ZBTB25: variants seen among roughly 807,000 people sequenced by gnomAD.
ZBTB25 encodes the protein zinc finger and BTB domain containing 25.
Under a neutral mutation model 34.2 loss-of-function variants are expected in ZBTB25, and 20 were observed. The ratio of observed to expected loss-of-function variants is 0.58; its 90% confidence interval spans 0.41 to 0.85. The LOEUF (loss-of-function observed/expected upper bound fraction) is 0.85. Ranked by LOEUF, ZBTB25 falls within the 40% of genes least tolerant of loss-of-function variation. The pLI is 0.00. For synonymous variants in ZBTB25, 175 were observed against 186.4 expected (o/e 0.94, Z 0.50); for missense variants, 437 against 521.8 (o/e 0.84, Z 1.58).
chr14:64,469,883 T>A (rs2078649977), intron 2 of ZBTB25: 4 of 477,490 alleles, frequency 8.4e-6, no homozygotes, highest in Admixed American at 4.0e-5. Context: ...TTGGAGGAAG[T>A]CAGCACAGAT....
In ZBTB25 at chr14:64,485,789, C is replaced by T. The variant is rs527410480; in HGVS notation, c.*1134G>A. 46 of 985,354 alleles carry T rather than the reference C, an allele frequency of 4.7e-5. No individual in the cohort carries two copies. In the African/African-American group the frequency reaches 7.7e-4, roughly 16 times the overall value. The allele number at this position is 985,354 out of a possible 1,614,324, so 61.0% of individuals were successfully genotyped here. A position where few individuals can be genotyped will look rare whatever the true frequency, so the allele number is the denominator to read the frequency against. On this transcript the variant is annotated 3_prime_UTR_variant, in exon 3 of 3. Transcript: ENST00000608382. ...AGAAACATGATTTATATTTTATCAT[C>T]ATTCTCTTTCAACTCATGTAAACCT... is the stretch of plus-strand genomic sequence containing the variant.
chr14:64,468,623 G>C (rs1392119937), intron 2 of ZBTB25: 1 of 1,613,882 alleles, frequency 6.2e-7, no homozygotes, highest in Non-Finnish European at 8.5e-7. Context: ...GCCCACACGG[G>C]GGGCCTGGGC....
At chr14:64,458,234 C>T (rs1354264402) in intron 2 of ZBTB25, 1 of 1,612,752 alleles carries the variant, frequency 6.2e-7, no homozygotes, top group East Asian at 2.2e-5. Context: ...TGCCTGGACT[C>T]CCCACCCGGC....
In ZBTB25 at chr14:64,500,681, G is replaced by C. The variant is rs551518414; in HGVS notation, c.-8+2980C>G. On this transcript the variant is annotated intron_variant, in intron 1 of 2. Transcript: ENST00000608382. ...GTGGTGGCAGACGTCTGTAATCCCA[G>C]CTACTTGGGAGGCTGAGGCAGAAGA... is the stretch of plus-strand genomic sequence containing the variant. Among the ~76,000 whole-genome samples the C allele has an allele frequency of 2.6e-4, 39 of 152,188 alleles. No homozygotes were observed. In the South Asian group the frequency reaches 7.0e-3, roughly 28 times the overall value.
chr14:64,501,378 T>C (rs2079491998), intron 1 of ZBTB25, among the ~76,000 whole-genome samples: 1 of 152,176 alleles, frequency 6.6e-6, no homozygotes, highest in African/African-American at 2.4e-5. Flanking sequence ...CAGCAAATGG[T>C]ATAAAGTGGA....
chr14:64,450,249 A>G (rs2078349022), intron 2 of ZBTB25, among the ~76,000 whole-genome samples: 1 of 152,250 alleles, frequency 6.6e-6, no homozygotes, highest in Non-Finnish European at 1.5e-5. Context: ...CAAATATGTA[A>G]TTCACTGTAG....
chr14:64,492,421 G>A (rs1465185000), intron 1 of ZBTB25, among the ~76,000 whole-genome samples: 1 of 151,820 alleles, frequency 6.6e-6, no homozygotes, highest in East Asian at 1.9e-4. Context: ...TGGCCAGGCT[G>A]GTCTCAAACT....
chr14:64,457,950 G>A (rs909721039), intron 2 of ZBTB25: 12 of 557,076 alleles, frequency 2.2e-5, no homozygotes, highest in Admixed American at 9.2e-5. Context: ...CCAGGCAATC[G>A]GATGATCATG....
chr14:64,503,136 A>G (rs1055229063), intron 1 of ZBTB25: 4 of 985,426 alleles, frequency 4.1e-6, no homozygotes, highest in African/African-American at 1.7e-5. Context: ...AGCTTCAAAA[A>G]GAAAAACCGG....
chr14:64,472,732 T>C (rs1347700723), intron 2 of ZBTB25: 3 of 166,798 alleles, frequency 1.8e-5, no homozygotes, highest in South Asian at 2.1e-4. Flanking sequence ...AATTGTTTTA[T>C]TGTTATAGAA....
intron 2 of ZBTB25, chr14:64,449,666 G>C: frequency 1.9e-6 from 3 of 1,604,164 alleles, no homozygotes; most frequent in Non-Finnish European, 1.7e-6. Flanking sequence ...AGACGAAAAG[G>C]GCACAGTGAA....
intron 2 of ZBTB25, among the ~76,000 whole-genome samples, chr14:64,458,990 G>A (rs1423668747): frequency 2.6e-5 from 4 of 152,184 alleles, no homozygotes; most frequent in East Asian, 3.9e-4. Context: ...CTCCAGAGAC[G>A]AAAAAAGTGG....
intron 2 of ZBTB25, chr14:64,458,421 C>A (rs1039853219): frequency 6.4e-6 from 5 of 781,434 alleles, no homozygotes; most frequent in Admixed American, 5.7e-5. Flanking sequence ...CAAAACATTT[C>A]TTTTCAGACT....
At position 64,479,784 on chromosome 14, in the gene ZBTB25, A is replaced by G. The variant is rs2078758236; in HGVS notation, c.*7139T>C. Reference sequence around the variant, plus strand: ...AGCTCTCCTGGTTCTCAGGTCTTCAAATTCAGATTGGAACATCACTGACTC... The same window carrying G: ...AGCTCTCCTGGTTCTCAGGTCTTCAGATTCAGATTGGAACATCACTGACTC... On this transcript the variant is annotated 3_prime_UTR_variant, in exon 3 of 3. Transcript: ENST00000608382. 1 of 152,348 alleles carries G rather than the reference A, an allele frequency of 6.6e-6. No individual in the cohort carries two copies. The highest frequency in any genetic ancestry group is 2.1e-4 in the South Asian group (1 of 4,828). The allele number at this position is 152,348 out of a possible 1,614,324, so 9.4% of individuals were successfully genotyped here. A position where few individuals can be genotyped will look rare whatever the true frequency, so the allele number is the denominator to read the frequency against.
chr14:64,499,164 A>T (rs2079398665), intron 1 of ZBTB25, among the ~76,000 whole-genome samples: 2 of 152,256 alleles, frequency 1.3e-5, no homozygotes, highest in Non-Finnish European at 2.9e-5. Context: ...CTCTATAAAT[A>T]AACAATTCCG....
At chr14:64,492,000 C>G (rs1403760725) in intron 1 of ZBTB25, among the ~76,000 whole-genome samples, 1 of 151,214 alleles carries the variant, frequency 6.6e-6, no homozygotes, top group Non-Finnish European at 1.5e-5. Context: ...ATGCTTTAGT[C>G]CCAGCTACTT....
chr14:64,487,495 G>A lies in ZBTB25; in HGVS notation c.736C>T (p.Arg246Cys), dbSNP rs576357133. The change falls in exon 3 of 3, where the codon CGT becomes TGT. Residue 246 changes from arginine to cysteine, a missense_variant. Physicochemically the swap from Arg to Cys is radical, Grantham distance 180. Coordinates refer to ENST00000608382, the MANE Select transcript of ZBTB25 (RefSeq NM_006977.5). ...CTTAGGTTACTACGGGAATCAAAAC[G>A]TTCCCCACAGTAATGGCATAAGTGT... ...KIHLCHYCGE[R>C]FDSRSNLRQH... 6 of 1,613,996 alleles carry A rather than the reference G, an allele frequency of 3.7e-6. No individual in the cohort carries two copies. Among genetic ancestry groups the A allele is most frequent in the African/African-American group, 1.3e-5 (1 of 74,914 alleles).
rs1348482252 is a variant in ZBTB25, at chr14:64,484,005, TG to T, written c.*2917del. The T allele has an allele frequency of 1.6e-5, 2 of 127,540 alleles. No individual in the cohort carries two copies. The highest frequency in any genetic ancestry group is 3.3e-5 in the Non-Finnish European group (2 of 60,668). The allele number at this position is 127,540 out of a possible 1,614,324, so 7.9% of individuals were successfully genotyped here. The stretch of plus-strand genomic sequence containing the variant: ...AAATGAAAACAACAATAACAAAAAC[TG>T]GGGGTCAGTCCCACACCACTATTCA... On this transcript the variant is annotated 3_prime_UTR_variant, in exon 3 of 3. Transcript: ENST00000608382.
In ZBTB25 at chr14:64,482,997, C is replaced by T. The variant is rs2078811686; in HGVS notation, c.*3926G>A. Reference sequence around the variant, plus strand: ...ATTTTTTGTTTTCTTATAAGGCAGACTGTGCTGAGTTCTGATGATACGCTA... The same window carrying T: ...ATTTTTTGTTTTCTTATAAGGCAGATTGTGCTGAGTTCTGATGATACGCTA... On this transcript the variant is annotated 3_prime_UTR_variant, in exon 3 of 3. Transcript: ENST00000608382. 6.6e-6 allele frequency: 1 copy of T among 152,156 alleles called. No individual in the cohort carries two copies. Among genetic ancestry groups the T allele is most frequent in the African/African-American group, 2.4e-5 (1 of 41,436 alleles). 9.4% of individuals were successfully genotyped at this position (152,156 alleles called of 1,614,324 possible).
Sources: allele counts gnomAD v4.1 joint callset (sites outside exome capture counted in the v4.1 genomes callset), GRCh38; gene constraint gnomAD v4.1.1; transcripts MANE v1.5; gene names NCBI Gene and HGNC (gene_info 2026-07-23, HGNC 2026-07-21).